INSL6: variants seen among roughly 807,000 people sequenced by gnomAD.
INSL6 encodes insulin like 6.
A neutral mutation model predicts 9.4 loss-of-function variants in INSL6; 16 were observed. That is an observed-to-expected ratio of 1.70 (90% confidence interval 1.15 to 2.59). INSL6 has a LOEUF of 2.59. INSL6 is among the 30% of genes most tolerant of loss of function. The pLI is 0.00. For synonymous variants in INSL6, 154 were observed against 96.9 expected (o/e 1.59, Z -3.46); for missense variants, 391 against 257.3 (o/e 1.52, Z -3.56).
At chr9:5,090,737 A>C in the INSL6 span, 2 of 1,586,048 alleles carry the variant, frequency 1.3e-6, no homozygotes, top group Non-Finnish European at 1.7e-6. Context: ...TTTTATCCAT[A>C]GGGTATGGAG....
the INSL6 span, among the ~76,000 whole-genome samples, chr9:5,027,799 A>G: frequency 1.3e-5 from 2 of 152,218 alleles, no homozygotes; most frequent in African/African-American, 4.8e-5. Context: ...GCTCATCCAT[A>G]AAAAGCAATT....
chr9:4,997,597 G>A, the INSL6 span, among the ~76,000 whole-genome samples: 5 of 152,142 alleles, frequency 3.3e-5, no homozygotes, highest in South Asian at 1.0e-3. Flanking sequence ...CCAACATTGG[G>A]GATTACAGTG....
chr9:5,133,811 G>A lies in INSL6; in HGVS notation c.377-219C>T, dbSNP rs568363583. Among the ~76,000 whole-genome samples the A allele has an allele frequency of 4.6e-5, 7 of 151,996 alleles. 1 individual carries two copies. The highest frequency in any genetic ancestry group is 1.5e-4 in the African/African-American group (6 of 41,346). Reference sequence around the variant, plus strand: ...TTCCTCCAAAGGATCACAACTCCTCGCTAGCAAGGGAACAAAACTGGACTG... The same window carrying A: ...TTCCTCCAAAGGATCACAACTCCTCACTAGCAAGGGAACAAAACTGGACTG... On this transcript the variant is annotated intron_variant, in intron 2 of 3. Transcript: ENST00000649639.
chr9:5,140,043 A>G (rs1198737701), intron 2 of INSL6, among the ~76,000 whole-genome samples: 1 of 152,224 alleles, frequency 6.6e-6, no homozygotes, highest in Admixed American at 6.5e-5. Flanking sequence ...AACATTAAAT[A>G]GTACATTTCT....
intron 3 of INSL6, among the ~76,000 whole-genome samples, chr9:5,130,610 AT>A (rs1824255053): frequency 2.0e-5 from 3 of 152,224 alleles, no homozygotes; most frequent in Admixed American, 2.0e-4. Context: ...TCATACACAG[AT>A]AATTAAGTAC....
the INSL6 span, among the ~76,000 whole-genome samples, chr9:5,024,974 G>C: frequency 4.2e-3 from 646 of 152,296 alleles, 8 homozygotes; most frequent in Admixed American, 0.029. Context: ...GGGCTGGTGG[G>C]CAGGACATGG....
At chr9:5,167,983 G>A (rs1459303856) in intron 1 of INSL6, among the ~76,000 whole-genome samples, 1 of 152,134 alleles carries the variant, frequency 6.6e-6, no homozygotes, top group Non-Finnish European at 1.5e-5. Context: ...CAACCCTATG[G>A]AAGAGTGGCC....
the INSL6 span, among the ~76,000 whole-genome samples, chr9:5,024,306 T>A: frequency 1.3e-5 from 2 of 152,298 alleles, no homozygotes; most frequent in East Asian, 3.9e-4. Flanking sequence ...CATGTAAGAT[T>A]TTGCTTTAGC....
chr9:5,110,792 C>T, the INSL6 span: 1 of 408,692 alleles, frequency 2.4e-6, no homozygotes, highest in Non-Finnish European at 4.7e-6. Flanking sequence ...GCCCGGGCCA[C>T]GCGCGACGCC....
At chr9:5,083,262 ACT>A in the INSL6 span, among the ~76,000 whole-genome samples, 1 of 152,092 alleles carries the variant, frequency 6.6e-6, no homozygotes, top group Non-Finnish European at 1.5e-5. Context: ...ACTAGCAGAG[ACT>A]CTGTCTATTA....
chr9:5,143,792 T>C (rs1824548516), intron 2 of INSL6, among the ~76,000 whole-genome samples: 1 of 152,036 alleles, frequency 6.6e-6, no homozygotes, highest in Non-Finnish European at 1.5e-5. Flanking sequence ...TCCAAGTAGC[T>C]GGGATTACAG....
intron 2 of INSL6, among the ~76,000 whole-genome samples, chr9:5,136,146 A>C (rs1824383556): frequency 1.3e-5 from 2 of 152,224 alleles, no homozygotes; most frequent in Non-Finnish European, 2.9e-5. Context: ...CCAGCTAAAA[A>C]AAAGTCCAGG....
intron 1 of INSL6, among the ~76,000 whole-genome samples, chr9:5,165,567 A>G (rs1825032984): frequency 6.6e-6 from 1 of 152,178 alleles, no homozygotes. Context: ...ATCCTCTTTG[A>G]AGAAATGTCT....
rs563262647 is a variant in INSL6, at chr9:5,183,319, T to G, written c.289+1995A>C. On this transcript the variant is annotated intron_variant, in intron 1 of 1. Coordinates refer to ENST00000381641, the MANE Select transcript of INSL6 (RefSeq NM_007179.3). Reference sequence around the variant, plus strand: ...CAACTGTGGTTTTACTGTTACATAGTATTTCCACTTCAGCAAACTGTCTTT... The same window carrying G: ...CAACTGTGGTTTTACTGTTACATAGGATTTCCACTTCAGCAAACTGTCTTT... 5.9e-5 allele frequency among the ~76,000 whole-genome samples: 9 copies of G among 152,346 alleles called. No individual in the cohort carries two copies. In the South Asian group the frequency reaches 1.9e-3, roughly 32 times the overall value.
chr9:5,042,200 C>T, the INSL6 span, among the ~76,000 whole-genome samples: 2 of 148,556 alleles, frequency 1.3e-5, no homozygotes, highest in Non-Finnish European at 3.0e-5. Context: ...TGCAGTGGCG[C>T]AATCTCGGCT....
chr9:5,148,688 C>T (rs772810077), intron 2 of INSL6, among the ~76,000 whole-genome samples: 2 of 152,164 alleles, frequency 1.3e-5, no homozygotes, highest in Admixed American at 6.5e-5. Flanking sequence ...CCAGCAGTTC[C>T]TGGCTTGGCA....
At chr9:5,080,171 TA>T in the INSL6 span, 2 of 1,285,902 alleles carry the variant, frequency 1.6e-6, no homozygotes, top group Non-Finnish European at 2.2e-6. Context: ...TATTTACATA[TA>T]AAAGATTGGT....
At chr9:5,000,431 GA>G in the INSL6 span, among the ~76,000 whole-genome samples, 1 of 152,128 alleles carries the variant, frequency 6.6e-6, no homozygotes, top group Non-Finnish European at 1.5e-5. Context: ...ACAAACACTT[GA>G]AAATGTTTAT....
chr9:4,999,738 C>T, the INSL6 span, among the ~76,000 whole-genome samples: 9 of 152,284 alleles, frequency 5.9e-5, no homozygotes, highest in Middle Eastern at 6.8e-3. Context: ...CGTGAGCCCC[C>T]GTGCCTGGTG....
Sources: gnomAD v4.1 joint callset for allele counts (sites outside exome capture counted in the v4.1 genomes callset) on GRCh38, gnomAD v4.1.1 for gene constraint, MANE v1.5 for transcripts, NCBI Gene and HGNC (gene_info 2026-07-23, HGNC 2026-07-21) for gene names.